The following HS6ST3 variants were observed in gnomAD, a reference collection of about 807,000 sequenced individuals.
HS6ST3 encodes the protein heparan-sulfate 6-O-sulfotransferase 3.
Under a neutral mutation model 36.7 loss-of-function variants are expected in HS6ST3, and 12 were observed. The observed-to-expected ratio is 0.33, with a 90% CI of 0.21 to 0.53. The LOEUF is 0.53. Ranked by LOEUF, HS6ST3 falls within the 20% of genes least tolerant of loss-of-function variation. HS6ST3 has a pLI of 0.95. For missense variants in HS6ST3, 584 were observed against 640.9 expected (o/e 0.91, Z 0.96); for synonymous variants, 240 against 257.5 (o/e 0.93, Z 0.65).
chr13:96,308,199 A>G (rs1460165453), intron 1 of HS6ST3, among the ~76,000 whole-genome samples: 1 of 152,136 alleles, frequency 6.6e-6, no homozygotes, highest in African/African-American at 2.4e-5. Context: ...AACTGACACC[A>G]TTAGACATTA....
chr13:96,241,258 T>TA (rs1017974395), intron 1 of HS6ST3, among the ~76,000 whole-genome samples: 1 of 152,170 alleles, frequency 6.6e-6, no homozygotes, highest in South Asian at 2.1e-4. Context: ...CTCAAGAGTT[T>TA]AAAGAATTGA....
chr13:96,206,187 A>C lies in HS6ST3; in HGVS notation c.707+114618A>C, dbSNP rs193104554. Among the ~76,000 whole-genome samples the C allele has an allele frequency of 9.0e-3, 1,371 of 152,306 alleles. 17 individuals are homozygous for C. The highest frequency in any genetic ancestry group is 0.012 in the Non-Finnish European group (784 of 68,022). ...CCAACAACAGGCAAGCAGGGAGCCA[A>C]ATCATGAATGTACTTCCATTCACAA... On this transcript the variant is annotated intron_variant, in intron 1 of 1. Coordinates refer to ENST00000376705, the MANE Select transcript of HS6ST3 (RefSeq NM_153456.4).
intron 1 of HS6ST3, among the ~76,000 whole-genome samples, chr13:96,685,906 T>A (rs1039937510): frequency 3.3e-5 from 5 of 152,042 alleles, no homozygotes; most frequent in Admixed American, 1.3e-4. Context: ...GAGAATGAGA[T>A]GTTCAAAGTG....
chr13:96,273,011 A>G (rs1036059848), intron 1 of HS6ST3, among the ~76,000 whole-genome samples: 1 of 152,046 alleles, frequency 6.6e-6, no homozygotes, highest in African/African-American at 2.4e-5. Context: ...CAGCTTTTTC[A>G]AACAGCTAAA....
At chr13:96,634,403 G>A (rs1181069200) in intron 1 of HS6ST3, among the ~76,000 whole-genome samples, 1 of 152,122 alleles carries the variant, frequency 6.6e-6, no homozygotes, top group Non-Finnish European at 1.5e-5. Context: ...GGACCTGTAA[G>A]TTTAGAGGTT....
chr13:96,440,903 G>A (rs1331719826), intron 1 of HS6ST3, among the ~76,000 whole-genome samples: 2 of 152,292 alleles, frequency 1.3e-5, no homozygotes, highest in African/African-American at 2.4e-5. Context: ...AATAGACGGA[G>A]GACTGCAATG....
chr13:96,150,625 T>A (rs2054080609), intron 1 of HS6ST3, among the ~76,000 whole-genome samples: 1 of 152,178 alleles, frequency 6.6e-6, no homozygotes, highest in Non-Finnish European at 1.5e-5. Flanking sequence ...TTAAAATGAT[T>A]CTTCTGTCAT....
intron 1 of HS6ST3, among the ~76,000 whole-genome samples, chr13:96,401,072 T>C (rs1566350080): frequency 6.6e-6 from 1 of 152,172 alleles, no homozygotes; most frequent in Non-Finnish European, 1.5e-5. Flanking sequence ...TTCAGCTGCA[T>C]AGGGAAGACA....
rs527694134 is a variant in HS6ST3 at position 96,276,689 on chromosome 13, T to C, written c.707+185120T>C. The stretch of plus-strand genomic sequence containing the variant: ...ATAATCTTTATTAGCTAATCTCTCC[T>C]AGAGAATTCTTTGCTGGTGTTGTAG... On this transcript the variant is annotated intron_variant, in intron 1 of 1. Transcript: ENST00000376705. Among the ~76,000 whole-genome samples the C allele has an allele frequency of 3.3e-5, 5 of 152,328 alleles. No individual in the cohort carries two copies. In the East Asian group the frequency reaches 9.6e-4, roughly 29 times the overall value.
intron 1 of HS6ST3, among the ~76,000 whole-genome samples, chr13:96,139,843 C>T (rs1005598834): frequency 6.6e-6 from 1 of 152,070 alleles, no homozygotes; most frequent in African/African-American, 2.4e-5. Flanking sequence ...TCTCAAGACA[C>T]ATAAAGTTTA....
At chr13:96,829,341 A>G (rs1447796349) in intron 1 of HS6ST3, among the ~76,000 whole-genome samples, 1 of 147,858 alleles carries the variant, frequency 6.8e-6, no homozygotes, top group Non-Finnish European at 1.5e-5. Context: ...TTTTAATTTT[A>G]TTTTAAGTTC....
intron 1 of HS6ST3, among the ~76,000 whole-genome samples, chr13:96,649,405 G>T (rs2056599931): frequency 6.6e-6 from 1 of 151,916 alleles, no homozygotes. Flanking sequence ...TCTCCACCTG[G>T]TCCCTCCCAT....
chr13:96,578,528 G>A (rs1265903193), intron 1 of HS6ST3, among the ~76,000 whole-genome samples: 2 of 152,088 alleles, frequency 1.3e-5, no homozygotes, highest in African/African-American at 4.8e-5. Context: ...TGAAGCTGGA[G>A]AGTAGGTAGC....
chr13:96,397,228 A>C (rs2055426692), intron 1 of HS6ST3, among the ~76,000 whole-genome samples: 1 of 152,152 alleles, frequency 6.6e-6, no homozygotes, highest in South Asian at 2.1e-4. Flanking sequence ...AAACAAAAAC[A>C]AAAACTGCAT....
At chr13:96,653,295 G>T (rs1186327180) in intron 1 of HS6ST3, among the ~76,000 whole-genome samples, 3 of 152,052 alleles carry the variant, frequency 2.0e-5, no homozygotes, top group African/African-American at 7.2e-5. Context: ...GTGTTATGGC[G>T]ATTTGTTGCA....
At chr13:96,297,709 G>A (rs2054861930) in intron 1 of HS6ST3, among the ~76,000 whole-genome samples, 2 of 152,028 alleles carry the variant, frequency 1.3e-5, no homozygotes, top group South Asian at 2.1e-4. Context: ...GACAAAAGAT[G>A]TGTCCCAGAT....
intron 1 of HS6ST3, among the ~76,000 whole-genome samples, chr13:96,170,962 G>A (rs1443366235): frequency 6.6e-6 from 1 of 152,082 alleles, no homozygotes; most frequent in Admixed American, 6.5e-5. Flanking sequence ...TAGGCCAATT[G>A]GATTGTACTG....
chr13:96,466,299 A>G (rs2055813295), intron 1 of HS6ST3, among the ~76,000 whole-genome samples: 3 of 151,892 alleles, frequency 2.0e-5, no homozygotes, highest in Admixed American at 6.6e-5. Context: ...AAAAACATCT[A>G]CTATCTTAGC....
chr13:96,419,002 A>G (rs1308752053), intron 1 of HS6ST3, among the ~76,000 whole-genome samples: 3 of 152,202 alleles, frequency 2.0e-5, no homozygotes, highest in Non-Finnish European at 4.4e-5. Flanking sequence ...ACGCCCCGAT[A>G]AATGCCTTCT....
Sources: allele counts gnomAD v4.1 joint callset (sites outside exome capture counted in the v4.1 genomes callset), GRCh38; gene constraint gnomAD v4.1.1; transcripts MANE v1.5; gene names NCBI Gene and HGNC (gene_info 2026-07-23, HGNC 2026-07-21).